The following FAM83B variants were observed in gnomAD, a reference collection of about 807,000 sequenced individuals.
The protein encoded by FAM83B is scaffolding CK1 anchoring protein B, also known as protein FAM83B.
Under a neutral mutation model 38.8 loss-of-function variants are expected in FAM83B, and 26 were observed. The observed-to-expected ratio is 0.67, with a 90% CI of 0.49 to 0.93. The LOEUF is 0.93. Ranked by LOEUF, FAM83B falls within the 40% of genes least tolerant of loss-of-function variation. FAM83B has a pLI of 0.00. For synonymous variants in FAM83B, 419 were observed against 423.1 expected, an observed-to-expected ratio of 0.99 and a Z score of 0.12; for missense variants, 1,237 against 1,197.3, an observed-to-expected ratio of 1.03 and a Z score of -0.49.
intron 4 of FAM83B, among the ~76,000 whole-genome samples, chr6:54,928,461 G>A (rs1431742220): frequency 1.3e-5 from 2 of 152,118 alleles, no homozygotes; most frequent in Non-Finnish European, 2.9e-5. Flanking sequence ...TATCATTGTT[G>A]TGAGGATTAA....
intron 2 of FAM83B, among the ~76,000 whole-genome samples, chr6:54,871,500 C>T (rs542153187): frequency 6.6e-6 from 1 of 150,690 alleles, no homozygotes; most frequent in East Asian, 1.9e-4. Flanking sequence ...AGGCGAATCA[C>T]TTGAGGTCAG....
At chr6:54,878,519 G>C (rs1274666723) in intron 2 of FAM83B, among the ~76,000 whole-genome samples, 4 of 152,176 alleles carry the variant, frequency 2.6e-5, no homozygotes, top group Admixed American at 6.5e-5. Flanking sequence ...TTTGAGAAAA[G>C]AAGGAATAAG....
intron 2 of FAM83B, among the ~76,000 whole-genome samples, chr6:54,883,188 C>T (rs1011495402): frequency 6.6e-6 from 1 of 152,060 alleles, no homozygotes; most frequent in Non-Finnish European, 1.5e-5. Context: ...TGTGATCCGC[C>T]CACCTTGGCC....
intron 1 of FAM83B, among the ~76,000 whole-genome samples, chr6:54,867,684 G>T (rs1367777312): frequency 6.6e-6 from 1 of 151,888 alleles, no homozygotes; most frequent in Admixed American, 6.6e-5. Flanking sequence ...TCCTTTCGAG[G>T]TCTGTGATTT....
intron 2 of FAM83B, among the ~76,000 whole-genome samples, chr6:54,894,687 G>GT (rs1394015958): frequency 6.6e-6 from 1 of 152,090 alleles, no homozygotes; most frequent in Non-Finnish European, 1.5e-5. Flanking sequence ...TGCTACTTAA[G>GT]TTTTTTTGTG....
chr6:54,862,601 G>A (rs1364618712), intron 1 of FAM83B, among the ~76,000 whole-genome samples: 2 of 152,162 alleles, frequency 1.3e-5, no homozygotes, highest in Non-Finnish European at 2.9e-5. Context: ...CATTGGCCGG[G>A]CACGGTGCCT....
At chr6:54,911,155 GTGTGTGTGTGTA>G (rs1309675293) in intron 2 of FAM83B, among the ~76,000 whole-genome samples, 4 of 151,678 alleles carry the variant, frequency 2.6e-5, no homozygotes, top group Admixed American at 2.6e-4. Context: ...GTGTGTGTGT[GTGTGTGTGTGTA>G]TGTGTAATAG....
At position 54,941,870 on chromosome 6, in the gene FAM83B, ACT is replaced by A; in HGVS notation, c.2900_2901del (p.Thr967AsnfsTer9). Reference protein sequence around the residue: ...SINRPEIKSATMGNSYGRSSP... With the variant: ...SINRPEIKSAXMGNSYGRSSP... ...AAATCGCCCAGAAATAAAATCTGCG[ACT>A]ATGGGCAACAGTTATGGCAGGTCTA... is the stretch of plus-strand genomic sequence containing the variant. On this transcript the variant is annotated frameshift_variant, in exon 5 of 5. Coordinates refer to ENST00000306858, the MANE Select transcript of FAM83B (RefSeq NM_001010872.3). LOFTEE classifies it high-confidence loss of function. The A allele has an allele frequency of 9.9e-6, 16 of 1,614,110 alleles. No homozygotes were observed. The highest frequency in any genetic ancestry group is 1.3e-5 in the African/African-American group (1 of 75,048).
At chr6:54,870,786 A>G (rs1047274208) in intron 2 of FAM83B, 96 bp downstream of exon 2, 33 of 1,191,404 alleles carry the variant, frequency 2.8e-5, no homozygotes, top group Middle Eastern at 2.9e-4. Flanking sequence ...AAGAATCTCT[A>G]TATGTATAGG....
intron 2 of FAM83B, among the ~76,000 whole-genome samples, chr6:54,888,001 C>A (rs1033709206): frequency 3.4e-5 from 5 of 144,954 alleles, no homozygotes; most frequent in Admixed American, 1.4e-4. Context: ...CCCATCTGTT[C>A]TTTATTCCTT....
intron 2 of FAM83B, among the ~76,000 whole-genome samples, chr6:54,870,913 T>G (rs1467753613): frequency 1.3e-5 from 2 of 152,190 alleles, no homozygotes; most frequent in Admixed American, 1.3e-4. Context: ...AGAGATTTCC[T>G]TTTCTTAATA....
rs1438210082 is a variant in FAM83B, at chr6:54,944,819, A to T, written c.*2812A>T. The T allele has an allele frequency of 1.3e-5, 2 of 152,166 alleles. No individual in the cohort carries two copies. Among genetic ancestry groups the T allele is most frequent in the African/African-American group, 4.8e-5 (2 of 41,446 alleles). The allele number at this position is 152,166 out of a possible 1,614,324, so 9.4% of individuals were successfully genotyped here. On this transcript the variant is annotated 3_prime_UTR_variant, in exon 5 of 5. Transcript: ENST00000306858. ...CTGTTTTTTTTAAAATAACTTTATCATGATATTCAGGTAGATCCTGGGTTC... is the reference window on the plus strand; with the variant it reads ...CTGTTTTTTTTAAAATAACTTTATCTTGATATTCAGGTAGATCCTGGGTTC...
chr6:54,869,597 C>A (rs765513378), intron 1 of FAM83B, among the ~76,000 whole-genome samples: 7 of 152,090 alleles, frequency 4.6e-5, no homozygotes, highest in African/African-American at 7.2e-5. Context: ...TTCTTGCCAC[C>A]TGATCAGATT....
At chr6:54,900,658 G>C (rs997899124) in intron 2 of FAM83B, among the ~76,000 whole-genome samples, 1 of 152,200 alleles carries the variant, frequency 6.6e-6, no homozygotes, top group Non-Finnish European at 1.5e-5. Context: ...GTATGTGTCA[G>C]TGACAATATA....
chr6:54,880,485 C>T (rs1772108589), intron 2 of FAM83B, among the ~76,000 whole-genome samples: 1 of 115,616 alleles, frequency 8.6e-6, no homozygotes, highest in African/African-American at 3.3e-5. Context: ...CGCTTTGTTG[C>T]CCAGCCTGGA....
intron 2 of FAM83B, among the ~76,000 whole-genome samples, chr6:54,920,486 C>T (rs1773143990): frequency 6.6e-6 from 1 of 151,774 alleles, no homozygotes; most frequent in Non-Finnish European, 1.5e-5. Context: ...AACATTAACC[C>T]AAGGTACACC....
intron 3 of FAM83B, among the ~76,000 whole-genome samples, chr6:54,926,898 A>T (rs971347922): frequency 1.3e-5 from 2 of 151,572 alleles, no homozygotes; most frequent in African/African-American, 2.4e-5. Flanking sequence ...TGCCCAGCTA[A>T]TTTTTTTTGT....
rs1486520539 is a variant in FAM83B, at chr6:54,870,286, T to C, written c.40T>C (p.Cys14Arg). ...AATGCTTTCCTCATTGAATGATGAGTGTAAATCTGACAACTACATTGAGCC... is the reference window on the plus strand; with the variant it reads ...AATGCTTTCCTCATTGAATGATGAGCGTAAATCTGACAACTACATTGAGCC... The part of the protein sequence containing the change: ...SSMLSSLNDE[C>R]KSDNYIEPHY... Residue 14 changes from cysteine to arginine, a missense_variant, in exon 2 of 5, where the codon TGT becomes CGT. Coordinates refer to ENST00000306858, the MANE Select transcript of FAM83B (RefSeq NM_001010872.3). 6.2e-7 allele frequency: 1 copy of C among 1,613,836 alleles called. No individual in the cohort carries two copies.
intron 2 of FAM83B, among the ~76,000 whole-genome samples, chr6:54,908,529 A>T (rs1361721305): frequency 6.6e-6 from 1 of 152,162 alleles, no homozygotes; most frequent in Non-Finnish European, 1.5e-5. Flanking sequence ...TTAAAAATTT[A>T]AAAATTATAT....
Sources: gnomAD v4.1 joint callset for allele counts (sites outside exome capture counted in the v4.1 genomes callset) on GRCh38, gnomAD v4.1.1 for gene constraint, MANE v1.5 for transcripts, NCBI Gene and HGNC (gene_info 2026-07-23, HGNC 2026-07-21) for gene names.